PPP1R9A: variants seen among roughly 807,000 people sequenced by gnomAD.
PPP1R9A encodes the protein protein phosphatase 1 regulatory subunit 9A.
In PPP1R9A, 59 loss-of-function variants were observed where a neutral mutation model predicts 141.9. That is an observed-to-expected ratio of 0.42 (90% confidence interval 0.34 to 0.52). The LOEUF (loss-of-function observed/expected upper bound fraction) is 0.52. Among genes scored for constraint, PPP1R9A ranks in the 20% least tolerant of loss-of-function variants. The pLI is 0.10. For missense variants in PPP1R9A, 1,444 were observed against 1,611.9 expected (o/e 0.90, Z 1.78); for synonymous variants, 500 against 569.7 (o/e 0.88, Z 1.74).
chr7:94,932,132 T>C (rs936959177), intron 2 of PPP1R9A, among the ~76,000 whole-genome samples: 1 of 152,208 alleles, frequency 6.6e-6, no homozygotes, highest in African/African-American at 2.4e-5. Context: ...GATTGAGCCT[T>C]TCCACCTTAG....
chr7:95,151,712 G>C (rs899757844), intron 4 of PPP1R9A, among the ~76,000 whole-genome samples: 1 of 151,568 alleles, frequency 6.6e-6, no homozygotes, highest in Non-Finnish European at 1.5e-5. Flanking sequence ...TGGGTTGATG[G>C]GGGGAGACTG....
Position 95,079,810 on chromosome 7 carries a change from G to A in PPP1R9A, c.1396-31449G>A, listed in dbSNP as rs1348501396. Among the ~76,000 whole-genome samples the A allele has an allele frequency of 1.6e-3, 250 of 152,094 alleles. 1 individual carries two copies. Among genetic ancestry groups the A allele is most frequent in the African/African-American group, 5.6e-3 (232 of 41,464 alleles). On this transcript the variant is annotated intron_variant, in intron 2 of 19. Coordinates refer to ENST00000433360, the MANE Select transcript of PPP1R9A (RefSeq NM_001166160.2). ...ATATGCAAATCAATAAATGTAATCC[G>A]GCATATAAACAGAACCAAAGACAAA...
intron 2 of PPP1R9A, among the ~76,000 whole-genome samples, chr7:95,040,685 C>T (rs1809109746): frequency 6.6e-6 from 1 of 152,104 alleles, no homozygotes; most frequent in Non-Finnish European, 1.5e-5. Context: ...ATCTTTATCT[C>T]CATCCTTTCC....
At chr7:95,220,591 C>G (rs1794276715) in intron 7 of PPP1R9A, among the ~76,000 whole-genome samples, 1 of 152,050 alleles carries the variant, frequency 6.6e-6, no homozygotes, top group African/African-American at 2.4e-5. Context: ...GCAGATGTGG[C>G]TACAACTATC....
At chr7:94,951,890 G>C (rs941388350) in intron 2 of PPP1R9A, among the ~76,000 whole-genome samples, 3 of 149,370 alleles carry the variant, frequency 2.0e-5, no homozygotes, top group Non-Finnish European at 3.0e-5. Flanking sequence ...CAACCTCTTT[G>C]AAGACTATAG....
intron 2 of PPP1R9A, among the ~76,000 whole-genome samples, chr7:94,994,205 A>G (rs1801872770): frequency 6.6e-6 from 1 of 152,156 alleles, no homozygotes; most frequent in African/African-American, 2.4e-5. Context: ...TATTGGGATC[A>G]TAGAGGAAAC....
At position 95,294,209 on chromosome 7, in the gene PPP1R9A, G is replaced by GC. The variant is rs1491546974; in HGVS notation, c.*3907dup. ...TACTTTTTATTAAGGATGTACCTGT[G>GC]CACTATTCTAAAGCTAAGCATTTAA... is the stretch of plus-strand genomic sequence containing the variant. On this transcript the variant is annotated 3_prime_UTR_variant, in exon 20 of 20. Transcript: ENST00000433360. The GC allele has an allele frequency of 2.6e-5, 4 of 151,014 alleles. No homozygotes were observed. Among genetic ancestry groups the GC allele is most frequent in the African/African-American group, 9.7e-5 (4 of 41,036 alleles). 9.4% of individuals were successfully genotyped at this position (151,014 alleles called of 1,614,324 possible). A position where few individuals can be genotyped will look rare whatever the true frequency, so the allele number is the denominator to read the frequency against.
intron 8 of PPP1R9A, among the ~76,000 whole-genome samples, chr7:95,230,085 T>G (rs1423111178): frequency 1.3e-5 from 2 of 152,092 alleles, no homozygotes; most frequent in African/African-American, 4.8e-5. Flanking sequence ...ATTTCAGCTC[T>G]CAGGAAACCC....
intron 4 of PPP1R9A, among the ~76,000 whole-genome samples, chr7:95,134,327 G>A (rs1825233748): frequency 6.6e-6 from 1 of 152,102 alleles, no homozygotes; most frequent in South Asian, 2.1e-4. Flanking sequence ...GGTGGGTGGG[G>A]GTCAAGGGGA....
intron 5 of PPP1R9A, among the ~76,000 whole-genome samples, chr7:95,171,582 G>A (rs1173657183): frequency 1.3e-5 from 2 of 151,492 alleles, no homozygotes; most frequent in Non-Finnish European, 1.5e-5. Flanking sequence ...AATACAACAA[G>A]TTAGACTAAA....
intron 16 of PPP1R9A, among the ~76,000 whole-genome samples, chr7:95,282,174 T>C (rs948775046): frequency 6.6e-5 from 10 of 151,922 alleles, no homozygotes; most frequent in Non-Finnish European, 1.5e-5. Flanking sequence ...CTACAAAAAA[T>C]AAAAAAGTTA....
chr7:95,193,789 G>C (rs980953707), intron 5 of PPP1R9A, among the ~76,000 whole-genome samples: 9 of 152,044 alleles, frequency 5.9e-5, no homozygotes, highest in Admixed American at 5.9e-4. Flanking sequence ...AATAGCAGCA[G>C]TAGTTTCTAA....
rs1250412072 is a variant in PPP1R9A, at chr7:95,225,999, A to G, written c.1995A>G (p.Val665=). The change falls in exon 8 of 20, where the codon GTA becomes GTG. Residue 665 remains valine, a synonymous_variant. Transcript: ENST00000433360. ...EYATDEEEDE[V]GPVLPGSDMA... ...CCACAGATGAAGAAGAAGATGAGGT[A>G]GGACCTGTCCTTCCTGGCAGCGACA... 2.5e-6 allele frequency: 4 copies of G among 1,613,342 alleles called. No homozygotes were observed. The highest frequency in any genetic ancestry group is 3.4e-6 in the Non-Finnish European group (4 of 1,179,460).
chr7:94,941,533 T>G (rs1795329841), intron 2 of PPP1R9A, among the ~76,000 whole-genome samples: 1 of 152,144 alleles, frequency 6.6e-6, no homozygotes, highest in Non-Finnish European at 1.5e-5. Context: ...TTGCATACTT[T>G]AGAAAGGAGT....
At chr7:95,248,070 A>T (rs1798362208) in intron 9 of PPP1R9A, among the ~76,000 whole-genome samples, 1 of 151,460 alleles carries the variant, frequency 6.6e-6, no homozygotes. Flanking sequence ...AGGTCTTGAT[A>T]AAAGGGAGTA....
At chr7:95,028,329 C>A (rs757808222) in intron 2 of PPP1R9A, among the ~76,000 whole-genome samples, 1 of 152,070 alleles carries the variant, frequency 6.6e-6, no homozygotes, top group East Asian at 1.9e-4. Flanking sequence ...CCTAGAATAA[C>A]TGATATTTCT....
chr7:94,979,552 A>T (rs1220814191), intron 2 of PPP1R9A, among the ~76,000 whole-genome samples: 2 of 152,372 alleles, frequency 1.3e-5, no homozygotes, highest in East Asian at 1.9e-4. Context: ...GACTTAAAAA[A>T]AGTTTTTTAG....
intron 5 of PPP1R9A, among the ~76,000 whole-genome samples, chr7:95,169,129 AACCT>A (rs1251227207): frequency 6.6e-6 from 1 of 152,110 alleles, no homozygotes; most frequent in Non-Finnish European, 1.5e-5. Context: ...ATATGGAATC[AACCT>A]ACCTAAGTGT....
chr7:95,070,549 GACTAAT>G (rs898449853), intron 2 of PPP1R9A, among the ~76,000 whole-genome samples: 1 of 142,646 alleles, frequency 7.0e-6, no homozygotes, highest in Non-Finnish European at 1.5e-5. Context: ...CCACTTAAAT[GACTAAT>G]ACTAAAATTT....
Sources: allele counts gnomAD v4.1 joint callset (sites outside exome capture counted in the v4.1 genomes callset), GRCh38; gene constraint gnomAD v4.1.1; transcripts MANE v1.5; gene names NCBI Gene and HGNC (gene_info 2026-07-23, HGNC 2026-07-21).